Variants in OR51B5 observed in about 807,000 individuals in gnomAD.
OR51B5 encodes olfactory receptor 51B5.
For missense variants in OR51B5, 456 were observed against 374.6 expected (o/e 1.22, Z -1.79); for synonymous variants, 186 against 144.8 (o/e 1.28, Z -2.04).
intron 1 of OR51B5, among the ~76,000 whole-genome samples, chr11:5,494,670 C>G (rs983167384): frequency 2.6e-5 from 4 of 152,172 alleles, no homozygotes; most frequent in Non-Finnish European, 5.9e-5. Flanking sequence ...TAACCTTCAA[C>G]AAGTCATTTT....
At chr11:5,412,375 G>A (rs1850161442) in intron 1 of OR51B5, among the ~76,000 whole-genome samples, 1 of 152,174 alleles carries the variant, frequency 6.6e-6, no homozygotes, top group South Asian at 2.1e-4. Context: ...CAGAAGACGG[G>A]TGATTTCTGC....
intron 1 of OR51B5, among the ~76,000 whole-genome samples, chr11:5,502,351 T>C (rs1846306184): frequency 6.6e-6 from 1 of 152,216 alleles, no homozygotes; most frequent in Admixed American, 6.5e-5. Flanking sequence ...TTTAAATTTT[T>C]CCATGAATGT....
At chr11:5,459,706 C>T (rs1488194695) in intron 1 of OR51B5, among the ~76,000 whole-genome samples, 3 of 152,018 alleles carry the variant, frequency 2.0e-5, no homozygotes, top group Non-Finnish European at 2.9e-5. Context: ...GTCTAAATGG[C>T]TAGTATTAAA....
intron 1 of OR51B5, among the ~76,000 whole-genome samples, chr11:5,387,079 T>C (rs1415768279): frequency 2.0e-5 from 3 of 152,034 alleles, no homozygotes; most frequent in African/African-American, 7.2e-5. Context: ...TAAGTAATAA[T>C]AATAATAGAT....
intron 1 of OR51B5, among the ~76,000 whole-genome samples, chr11:5,498,905 A>G (rs575462748): frequency 1.9e-4 from 29 of 152,282 alleles, no homozygotes; most frequent in African/African-American, 6.7e-4. Context: ...TAAATTTTCA[A>G]TCTTACCCCC....
chr11:5,440,657 T>C, intron 1 of OR51B5: 2 of 1,613,774 alleles, frequency 1.2e-6, no homozygotes, highest in Non-Finnish European at 1.7e-6. Flanking sequence ...TGAGCATGGG[T>C]GGTACAAACA....
chr11:5,397,424 T>C (rs1849893973), intron 1 of OR51B5, among the ~76,000 whole-genome samples: 1 of 152,102 alleles, frequency 6.6e-6, no homozygotes, highest in East Asian at 1.9e-4. Flanking sequence ...AGAAGACATT[T>C]ATGCAGCCAA....
intron 1 of OR51B5, among the ~76,000 whole-genome samples, chr11:5,372,177 C>A (rs1010620740): frequency 6.6e-5 from 10 of 152,078 alleles, no homozygotes; most frequent in African/African-American, 2.4e-4. Flanking sequence ...TATATAGATA[C>A]CACTTAGATT....
chr11:5,376,965 C>T (rs1194746078), intron 1 of OR51B5, among the ~76,000 whole-genome samples: 1 of 152,044 alleles, frequency 6.6e-6, no homozygotes, highest in East Asian at 1.9e-4. Context: ...TTTTATGAGG[C>T]CAGCATCATC....
At chr11:5,446,041 T>A (rs528280599) in intron 1 of OR51B5, among the ~76,000 whole-genome samples, 1 of 151,776 alleles carries the variant, frequency 6.6e-6, no homozygotes, top group East Asian at 1.9e-4. Context: ...CACTCATAGG[T>A]GGGAATTGAA....
upstream of OR51B5, among the ~76,000 whole-genome samples, chr11:5,348,295 G>T (rs1849025660): frequency 6.6e-6 from 1 of 152,092 alleles, no homozygotes; most frequent in Non-Finnish European, 1.5e-5. Flanking sequence ...GAATTATGGG[G>T]TTGTAGTAAT....
chr11:5,389,523 C>G, intron 1 of OR51B5: 1 of 1,613,976 alleles, frequency 6.2e-7, no homozygotes, highest in Non-Finnish European at 8.5e-7. Flanking sequence ...ATTTTCATCC[C>G]CTTTTTCTTT....
At chr11:5,403,935 C>G (rs1378470227) in intron 1 of OR51B5, among the ~76,000 whole-genome samples, 1 of 152,034 alleles carries the variant, frequency 6.6e-6, no homozygotes, top group African/African-American at 2.4e-5. Context: ...ATTACATTGT[C>G]TTCAGTTATT....
intron 1 of OR51B5, among the ~76,000 whole-genome samples, chr11:5,355,814 T>C (rs540718499): frequency 4.6e-5 from 7 of 151,842 alleles, no homozygotes; most frequent in African/African-American, 1.7e-4. Flanking sequence ...AAAATTTTCT[T>C]AAAGGATCAA....
intron 1 of OR51B5, among the ~76,000 whole-genome samples, chr11:5,474,331 A>G (rs1166943621): frequency 6.6e-6 from 1 of 152,070 alleles, no homozygotes; most frequent in Non-Finnish European, 1.5e-5. Context: ...ACTCCCCCCA[A>G]CACACACACA....
chr11:5,420,851 T>C (rs1191006180), intron 1 of OR51B5, among the ~76,000 whole-genome samples: 1 of 152,230 alleles, frequency 6.6e-6, no homozygotes, highest in Non-Finnish European at 1.5e-5. Flanking sequence ...CCTTATTTCT[T>C]GTACATATAT....
chr11:5,427,117 C>A (rs1054555690), intron 1 of OR51B5, among the ~76,000 whole-genome samples: 1 of 152,210 alleles, frequency 6.6e-6, no homozygotes, highest in Non-Finnish European at 1.5e-5. Flanking sequence ...TTTACTACCC[C>A]TCACAATTGC....
At chr11:5,424,766 C>T (rs2736583) in intron 1 of OR51B5, among the ~76,000 whole-genome samples, 5 of 139,094 alleles carry the variant, frequency 3.6e-5, no homozygotes, top group African/African-American at 1.3e-4. Flanking sequence ...TGGATCACGA[C>T]GTCAGCAGAT....
intron 1 of OR51B5, among the ~76,000 whole-genome samples, chr11:5,348,630 T>C (rs1849029963): frequency 6.6e-6 from 1 of 152,132 alleles, no homozygotes; most frequent in Non-Finnish European, 1.5e-5. Flanking sequence ...AGGTTTATAT[T>C]GTGTAACAGG....
Sources: gnomAD v4.1 joint callset for allele counts (sites outside exome capture counted in the v4.1 genomes callset) on GRCh38, gnomAD v4.1.1 for gene constraint, MANE v1.5 for transcripts, NCBI Gene and HGNC (gene_info 2026-07-23, HGNC 2026-07-21) for gene names.